CCDC91: variants seen among roughly 807,000 people sequenced by gnomAD.
The protein encoded by CCDC91 is coiled-coil domain-containing protein 91.
CCDC91 carries 48 observed loss-of-function variants against 63.2 expected under a neutral mutation model. The observed-to-expected ratio is 0.76, with a 90% CI of 0.60 to 0.97. CCDC91 has a LOEUF of 0.97. Among genes scored for constraint, CCDC91 ranks in the 50% least tolerant of loss-of-function variants. CCDC91 has a pLI of 0.00. For synonymous variants in CCDC91, 167 were observed against 165.8 expected, an observed-to-expected ratio of 1.01 and a Z score of -0.06; for missense variants, 500 against 494.6, an observed-to-expected ratio of 1.01 and a Z score of -0.10.
chr12:28,231,968 G>A (rs1000210885), intron 1 of CCDC91, among the ~76,000 whole-genome samples: 7 of 152,040 alleles, frequency 4.6e-5, no homozygotes, highest in African/African-American at 2.4e-5. Flanking sequence ...ATTTTCTGTC[G>A]CTTCATAATT....
At chr12:28,471,503 G>A (rs1344333363) in intron 11 of CCDC91, among the ~76,000 whole-genome samples, 2 of 152,076 alleles carry the variant, frequency 1.3e-5, no homozygotes, top group African/African-American at 4.8e-5. Context: ...AATATATAGG[G>A]AACCCTCAAG....
chr12:28,546,267 A>G (rs577925527), intron 12 of CCDC91, among the ~76,000 whole-genome samples: 46 of 152,102 alleles, frequency 3.0e-4, no homozygotes, highest in Non-Finnish European at 6.0e-4. Context: ...TGTGCCTATG[A>G]TAAAAGAGTT....
At chr12:28,521,087 A>G (rs1243792551) in intron 12 of CCDC91, among the ~76,000 whole-genome samples, 2 of 152,164 alleles carry the variant, frequency 1.3e-5, no homozygotes, top group South Asian at 2.1e-4. Flanking sequence ...ACTTTAAAGT[A>G]GTTTTTTCCA....
intron 8 of CCDC91, among the ~76,000 whole-genome samples, chr12:28,425,456 T>TC (rs1477780409): frequency 1.3e-5 from 2 of 152,118 alleles, no homozygotes; most frequent in Non-Finnish European, 2.9e-5. Flanking sequence ...TATTTGGGAC[T>TC]CCAACAGCAG....
chr12:28,305,719 C>T lies in CCDC91; in HGVS notation c.180C>T (p.Gly60=). 1.9e-6 allele frequency: 3 copies of T among 1,613,226 alleles called. No individual in the cohort carries two copies. The highest frequency in any genetic ancestry group is 2.2e-5 in the East Asian group (1 of 44,820). Residue 60 remains glycine (G), a synonymous_variant, in exon 4 of 13, where the codon GGC becomes GGT. Coordinates refer to ENST00000536442, the MANE Select transcript of CCDC91 (RefSeq NM_018318.5). ...VLDRDHSSSI[G]CLSSDAIISS... ...ACCGTGACCACTCTTCTTCCATTGG[C>T]TGCCTCTCTTCTGATGCCATTATTT...
chr12:28,491,862 TGTGTGTG>T (rs1416562887), intron 12 of CCDC91, among the ~76,000 whole-genome samples: 5 of 1,836 alleles, frequency 2.7e-3, no homozygotes, highest in East Asian at 0.013. Context: ...TCAAAAATTT[TGTGTGTG>T]TGTGTGTGTG....
chr12:28,475,519 C>T (rs61920658), intron 11 of CCDC91, among the ~76,000 whole-genome samples: 31,708 of 151,926 alleles, frequency 0.21, 4,338 homozygotes, highest in Non-Finnish European at 0.31. Context: ...TAGCTCCTTC[C>T]TAGTAAATTA....
At chr12:28,221,366 T>G (rs1943934827) in intron 1 of CCDC91, among the ~76,000 whole-genome samples, 1 of 152,188 alleles carries the variant, frequency 6.6e-6, no homozygotes, top group Non-Finnish European at 1.5e-5. Context: ...CTCTCATTTC[T>G]GTGTCTGTTT....
rs760232977 is a variant in CCDC91, at chr12:28,257,261, T to C, written c.30+16T>C. On this transcript the variant is annotated intron_variant, in intron 2 of 12. Coordinates refer to ENST00000536442, the MANE Select transcript of CCDC91 (RefSeq NM_018318.5). ...TGGTTTTGAGGTATGCACTGTTATT[T>C]ACATTAGTTTGTTTTAACTTTGTGG... The C allele has an allele frequency of 3.2e-6, 5 of 1,581,646 alleles. No individual in the cohort carries two copies. Among genetic ancestry groups the C allele is most frequent in the Non-Finnish European group, 4.3e-6 (5 of 1,151,966 alleles).
At chr12:28,267,353 C>T (rs1394752229) in intron 3 of CCDC91, among the ~76,000 whole-genome samples, 6 of 151,214 alleles carry the variant, frequency 4.0e-5, no homozygotes, top group Non-Finnish European at 8.9e-5. Context: ...TTTCCAAATT[C>T]ATTTTAGTGG....
In CCDC91 at chr12:28,286,769, T is replaced by C. The variant is rs191337943; in HGVS notation, c.110-18880T>C. Among the ~76,000 whole-genome samples, 157 of 152,290 alleles carry C rather than the reference T, an allele frequency of 1.0e-3. 1 individual carries two copies. Among genetic ancestry groups the C allele is most frequent in the African/African-American group, 3.4e-3 (142 of 41,568 alleles). ...GGGTCATATAGTAGTTTGTTTTTAG[T>C]TCTTTAAGGAATTGCCACACAGCGT... On this transcript the variant is annotated intron_variant, in intron 3 of 12. Coordinates refer to ENST00000536442, the MANE Select transcript of CCDC91 (RefSeq NM_018318.5).
At chr12:28,307,209 AAGC>A (rs1286592298) in intron 5 of CCDC91, among the ~76,000 whole-genome samples, 2 of 151,894 alleles carry the variant, frequency 1.3e-5, no homozygotes, top group Non-Finnish European at 2.9e-5. Context: ...TTTACTTTGA[AAGC>A]AGGTAGTATT....
At chr12:28,477,828 CAGAG>C (rs951285219) in intron 11 of CCDC91, among the ~76,000 whole-genome samples, 32 of 152,104 alleles carry the variant, frequency 2.1e-4, no homozygotes, top group African/African-American at 6.8e-4. Flanking sequence ...AACAGACAAA[CAGAG>C]AGCCAAATCA....
chr12:28,207,851 T>C (rs905978022), intron 1 of CCDC91, among the ~76,000 whole-genome samples: 2 of 152,312 alleles, frequency 1.3e-5, no homozygotes, highest in Admixed American at 6.5e-5. Flanking sequence ...ATGCTTAACA[T>C]TGGACTTGAT....
At chr12:28,482,567 C>CA (rs1312255952) in intron 11 of CCDC91, among the ~76,000 whole-genome samples, 1 of 151,898 alleles carries the variant, frequency 6.6e-6, no homozygotes, top group African/African-American at 2.4e-5. Flanking sequence ...AAATGCTCAA[C>CA]ATCACTTGGT....
intron 7 of CCDC91, among the ~76,000 whole-genome samples, chr12:28,364,169 T>A (rs1944114095): frequency 6.6e-6 from 1 of 152,094 alleles, no homozygotes; most frequent in Admixed American, 6.5e-5. Flanking sequence ...GTGGATCACC[T>A]GAGGTCGGGG....
intron 11 of CCDC91, among the ~76,000 whole-genome samples, chr12:28,452,918 T>A (rs1949882181): frequency 1.3e-5 from 2 of 151,912 alleles, no homozygotes; most frequent in Non-Finnish European, 3.0e-5. Flanking sequence ...AAACAAAATT[T>A]ATGTTTAGTC....
chr12:28,520,031 A>T (rs1480322487), intron 12 of CCDC91, among the ~76,000 whole-genome samples: 4 of 152,126 alleles, frequency 2.6e-5, no homozygotes, highest in Non-Finnish European at 5.9e-5. Flanking sequence ...CGCAATAAAC[A>T]TACCTGTGCA....
At chr12:28,340,846 G>C (rs1942364668) in intron 6 of CCDC91, among the ~76,000 whole-genome samples, 1 of 152,188 alleles carries the variant, frequency 6.6e-6, no homozygotes, top group Non-Finnish European at 1.5e-5. Flanking sequence ...CCTATGGCAA[G>C]GACAGAGGGC....
Sources: allele counts gnomAD v4.1 joint callset (sites outside exome capture counted in the v4.1 genomes callset), GRCh38; gene constraint gnomAD v4.1.1; transcripts MANE v1.5; gene names NCBI Gene and HGNC (gene_info 2026-07-23, HGNC 2026-07-21).